Variants in HTRA1 observed in about 807,000 individuals in gnomAD.
HTRA1 encodes the protein HtrA serine peptidase 1.
In HTRA1, 26 loss-of-function variants were observed where a neutral mutation model predicts 49.7. The ratio of observed to expected loss-of-function variants is 0.52; its 90% CI spans 0.38 to 0.73. HTRA1 has a LOEUF of 0.73. HTRA1 is among the 30% of genes least tolerant of loss of function. HTRA1 has a pLI of 0.00. For synonymous variants in HTRA1, 291 were observed against 286.9 expected (o/e 1.01, Z -0.14); for missense variants, 561 against 667.2 (o/e 0.84, Z 1.75).
intron 3 of HTRA1, among the ~76,000 whole-genome samples, chr10:122,498,505 C>T (rs2097499653): frequency 6.6e-6 from 1 of 152,234 alleles, no homozygotes; most frequent in South Asian, 2.1e-4. Flanking sequence ...CACTCTTGGT[C>T]CACCACCTCC....
At position 122,506,843 on chromosome 10, in the gene HTRA1, C is replaced by G; in HGVS notation, c.930C>G (p.Arg310=). The G allele has an allele frequency of 6.2e-7, 1 of 1,613,848 alleles. No individual in the cohort carries two copies. Among genetic ancestry groups the G allele is most frequent in the Admixed American group, 1.7e-5 (1 of 60,016 alleles). Residue 310 remains arginine, a synonymous_variant, in exon 4 of 9, where the codon CGC becomes CGG. Transcript: ENST00000368984. The surrounding 1 kb of genome is among the most constrained non-coding windows in gnomAD (Gnocchi z 5.2). ...TQRGGKELGL[R]NSDMDYIQTD... ...GAGGCGGCAAAGAGCTGGGGCTCCG[C>G]AACTCAGACATGGACTACATCCAGA...
At chr10:122,509,095 C>G (rs1474014175) in intron 6 of HTRA1, among the ~76,000 whole-genome samples, 4 of 152,038 alleles carry the variant, frequency 2.6e-5, no homozygotes, top group African/African-American at 9.7e-5. Flanking sequence ...ATTACTAGTC[C>G]CATTTTGCTG....
Position 122,507,422 on chromosome 10 carries a change from TG to T in HTRA1, c.1005+21del, listed in dbSNP as rs754064112. 27 of 1,584,308 alleles carry T rather than the reference TG, an allele frequency of 1.7e-5. No homozygotes were observed. The East Asian group carries it at 5.8e-4, about 34-fold the overall frequency. Reference sequence around the variant, plus strand: ...AACCTGGTAAGGTCTTTTAAACCTATGTTAGGTCATTTGTTTTTATCTATGT... The same window carrying T: ...AACCTGGTAAGGTCTTTTAAACCTATTTAGGTCATTTGTTTTTATCTATGT... On this transcript the variant is annotated intron_variant, in intron 5 of 8. Transcript: ENST00000368984.
At chr10:122,509,854 G>A (rs2097504800) in intron 6 of HTRA1, among the ~76,000 whole-genome samples, 1 of 152,170 alleles carries the variant, frequency 6.6e-6, no homozygotes, top group African/African-American at 2.4e-5. Flanking sequence ...AGGGCCAGCT[G>A]TCAGGATGAG....
chr10:122,510,944 G>T (rs1283322460), intron 7 of HTRA1, among the ~76,000 whole-genome samples: 2 of 152,214 alleles, frequency 1.3e-5, no homozygotes, highest in Non-Finnish European at 2.9e-5. Flanking sequence ...CAAGGTTAAA[G>T]TGTCCCCTCA....
intron 1 of HTRA1, among the ~76,000 whole-genome samples, chr10:122,482,760 A>G (rs893695808): frequency 8.9e-5 from 9 of 101,022 alleles, no homozygotes; most frequent in African/African-American, 2.8e-4. Flanking sequence ...TCTACTAAAA[A>G]TACAAAAAAT....
At chr10:122,476,362 C>A (rs1309980618) in intron 1 of HTRA1, among the ~76,000 whole-genome samples, 2 of 152,198 alleles carry the variant, frequency 1.3e-5, no homozygotes, top group African/African-American at 4.8e-5. Flanking sequence ...TGTGGACCAG[C>A]CCCTCTCCCC....
chr10:122,499,510 G>A (rs948444832), intron 3 of HTRA1, among the ~76,000 whole-genome samples: 1 of 152,140 alleles, frequency 6.6e-6, no homozygotes, highest in East Asian at 1.9e-4. Flanking sequence ...AGTAGCTCAA[G>A]TCAGCAAATC....
intron 1 of HTRA1, among the ~76,000 whole-genome samples, chr10:122,475,546 T>A (rs926296314): frequency 6.6e-6 from 1 of 152,258 alleles, no homozygotes; most frequent in African/African-American, 2.4e-5. Flanking sequence ...TGCTTGTGAA[T>A]TCAGTGTATT....
intron 7 of HTRA1, 45 bp from the exon 8 acceptor site, chr10:122,511,925 C>G: frequency 1.4e-6 from 2 of 1,423,088 alleles, no homozygotes; most frequent in Non-Finnish European, 2.0e-6. Context: ...TGAGGAAGGC[C>G]TGGTGTTTCT....
intron 6 of HTRA1, 29 bp from the exon 7 acceptor site, chr10:122,510,067 C>T (rs750893494): frequency 6.2e-6 from 10 of 1,607,852 alleles, no homozygotes; most frequent in Non-Finnish European, 7.7e-6. Context: ...CTGGGCTGAC[C>T]TTCTGCTGTC....
At chr10:122,463,303 A>G (rs1006168353) in intron 1 of HTRA1, among the ~76,000 whole-genome samples, 3 of 152,200 alleles carry the variant, frequency 2.0e-5, no homozygotes, top group Non-Finnish European at 4.4e-5. Flanking sequence ...GAGATTGCGT[A>G]TTTCACCAAC....
chr10:122,480,215 C>T (rs967197355), intron 1 of HTRA1, among the ~76,000 whole-genome samples: 4 of 152,124 alleles, frequency 2.6e-5, no homozygotes, highest in African/African-American at 7.2e-5. Flanking sequence ...AACTTAGAGC[C>T]GAAAGGTGTG....
intron 1 of HTRA1, among the ~76,000 whole-genome samples, chr10:122,465,197 T>G (rs1394822151): frequency 1.3e-5 from 2 of 152,162 alleles, no homozygotes; most frequent in Non-Finnish European, 2.9e-5. Context: ...ATCATCTATT[T>G]CAGAAGTCAA....
intron 1 of HTRA1, among the ~76,000 whole-genome samples, chr10:122,469,251 C>T (rs539337103): frequency 1.8e-4 from 27 of 152,110 alleles, no homozygotes; most frequent in African/African-American, 5.8e-4. Flanking sequence ...TGATGAGATT[C>T]GCCGTAGAAT....
chr10:122,504,319 G>T (rs1032254592), intron 3 of HTRA1, among the ~76,000 whole-genome samples: 2 of 152,248 alleles, frequency 1.3e-5, no homozygotes, highest in African/African-American at 2.4e-5. Context: ...GAGGTCTCCT[G>T]AGACATAGAG....
rs2097487224 is a variant in HTRA1 at position 122,473,775 on chromosome 10, A to C, written c.472+11651A>C. 2.0e-5 allele frequency among the ~76,000 whole-genome samples: 3 copies of C among 152,282 alleles called. No homozygotes were observed. In the South Asian group the frequency reaches 6.2e-4, roughly 32 times the overall value. On this transcript the variant is annotated intron_variant, in intron 1 of 8. Transcript: ENST00000368984. Reference sequence around the variant, plus strand: ...CCCAGCCCTAGGAAACCACCGGTTCATTTTCTATTTCTATGAATTTGCTTA... The same window carrying C: ...CCCAGCCCTAGGAAACCACCGGTTCCTTTTCTATTTCTATGAATTTGCTTA...
At chr10:122,492,148 T>C (rs1291375557) in intron 3 of HTRA1, among the ~76,000 whole-genome samples, 1 of 151,936 alleles carries the variant, frequency 6.6e-6, no homozygotes, top group Non-Finnish European at 1.5e-5. Context: ...CTCCTTGTCA[T>C]ATGAGACTGT....
In HTRA1 at chr10:122,508,860, G is replaced by T. The variant is rs1307562969; in HGVS notation, c.1120+90G>T. On this transcript the variant is annotated intron_variant, in intron 6 of 8. Coordinates refer to ENST00000368984, the MANE Select transcript of HTRA1 (RefSeq NM_002775.5). ...GGACTTGGGGAAGGGAAAAGCGGCA[G>T]CCCCTAGGACTAGCCAAGCCGTCTC... 3 of 814,584 alleles carry T rather than the reference G, an allele frequency of 3.7e-6. No homozygotes were observed. The East Asian group carries it at 7.4e-5, about 20-fold the overall frequency. The allele number at this position is 814,584 out of a possible 1,614,324, so 50.5% of individuals were successfully genotyped here.
Sources: gnomAD v4.1 joint callset for allele counts (sites outside exome capture counted in the v4.1 genomes callset) on GRCh38, gnomAD v4.1.1 for gene constraint, Gnocchi (gnomAD v3.1) non-coding constraint, MANE v1.5 for transcripts, NCBI Gene and HGNC (gene_info 2026-07-23, HGNC 2026-07-21) for gene names.